Variants in YEATS2 observed in about 807,000 individuals in gnomAD.
YEATS2 encodes YEATS domain containing 2, also known as YEATS domain-containing protein 2.
A neutral mutation model predicts 163.2 loss-of-function variants in YEATS2; 77 were observed. The observed-to-expected ratio is 0.47, with a 90% confidence interval of 0.39 to 0.57. The LOEUF is 0.57. Among genes scored for constraint, YEATS2 ranks in the 20% least tolerant of loss-of-function variants. The pLI, the probability that YEATS2 is intolerant of heterozygous loss-of-function variation, is 0.00. For synonymous variants in YEATS2, 631 were observed against 645.1 expected (o/e 0.98, Z 0.33); for missense variants, 1,549 against 1,729.8 (o/e 0.90, Z 1.85).
At chr3:183,762,366 G>T in intron 15 of YEATS2, 87 bp downstream of exon 15, 1 of 1,456,970 alleles carries the variant, frequency 6.9e-7, no homozygotes, top group Non-Finnish European at 9.1e-7. Flanking sequence ...GATTCACGGT[G>T]ACAGGGTTGA....
chr3:183,798,422 C>T (rs1484754156), intron 22 of YEATS2, among the ~76,000 whole-genome samples: 1 of 152,154 alleles, frequency 6.6e-6, no homozygotes, highest in Non-Finnish European at 1.5e-5. Flanking sequence ...GGCAAGATCT[C>T]GGCTCACTGC....
chr3:183,805,421 G>A (rs939993171), intron 27 of YEATS2, among the ~76,000 whole-genome samples: 3 of 151,896 alleles, frequency 2.0e-5, no homozygotes, highest in Non-Finnish European at 4.4e-5. Context: ...AAGAAAAGTT[G>A]TTCTCTGCCC....
At chr3:183,766,343 C>A (rs1721905822) in intron 15 of YEATS2, among the ~76,000 whole-genome samples, 1 of 152,152 alleles carries the variant, frequency 6.6e-6, no homozygotes, top group Non-Finnish European at 1.5e-5. Flanking sequence ...CATATCCATG[C>A]CTAAGTACCA....
intron 9 of YEATS2, 127 bp downstream of exon 9, chr3:183,747,843 G>A (rs989177332): frequency 1.1e-4 from 82 of 723,298 alleles, no homozygotes; most frequent in Non-Finnish European, 1.7e-4. Context: ...GCAGTGGCAT[G>A]ATCTCGGCTC....
At chr3:183,763,688 G>A (rs1463119375) in intron 15 of YEATS2, among the ~76,000 whole-genome samples, 1 of 152,142 alleles carries the variant, frequency 6.6e-6, no homozygotes, top group African/African-American at 2.4e-5. Flanking sequence ...AATGAAAAGT[G>A]GTTGTCTCTA....
chr3:183,733,893 T>C (rs1718068892), intron 7 of YEATS2, among the ~76,000 whole-genome samples: 1 of 152,018 alleles, frequency 6.6e-6, no homozygotes, highest in Non-Finnish European at 1.5e-5. Flanking sequence ...TGTGCTAGGC[T>C]CAGGGCGTGA....
At chr3:183,747,071 C>T (rs1030298582) in intron 8 of YEATS2, among the ~76,000 whole-genome samples, 12 of 152,016 alleles carry the variant, frequency 7.9e-5, no homozygotes, top group Non-Finnish European at 1.5e-4. Context: ...TTAACATACC[C>T]TCAGTTTGTG....
intron 19 of YEATS2, among the ~76,000 whole-genome samples, chr3:183,780,000 C>CTT (rs71298586): frequency 1.6e-3 from 210 of 134,770 alleles, no homozygotes; most frequent in African/African-American, 4.3e-3. Flanking sequence ...CTGGCCTTTA[C>CTT]TTTTTTTTTT....
At chr3:183,715,303 A>T in intron 2 of YEATS2, 41 bp downstream of exon 2, 1 of 1,419,240 alleles carries the variant, frequency 7.0e-7, no homozygotes, top group Non-Finnish European at 9.8e-7. Context: ...TTATTGACAT[A>T]TGCCTCCGCT....
Position 183,772,159 on chromosome 3 carries a change from T to C in YEATS2, c.1948-146T>C. ...CCAAGTGTAAGAAATACAGTTGCCG[T>C]TCACACCTGTGTAGGTAGCTTTCCT... On this transcript the variant is annotated intron_variant, in intron 15 of 30. Transcript: ENST00000305135. 3 of 1,033,660 alleles carry C rather than the reference T, an allele frequency of 2.9e-6. No individual in the cohort carries two copies. In the Admixed American group the frequency reaches 7.4e-5, roughly 26 times the overall value. The allele number at this position is 1,033,660 out of a possible 1,614,324, so 64.0% of individuals were successfully genotyped here.
chr3:183,738,992 T>C (rs1718664167), intron 8 of YEATS2, among the ~76,000 whole-genome samples: 1 of 142,324 alleles, frequency 7.0e-6, no homozygotes, highest in Admixed American at 7.2e-5. Context: ...ACTTCCACAA[T>C]GGTTGAACTA....
Position 183,777,598 on chromosome 3 carries a change from T to A in YEATS2, c.2634T>A (p.Thr878=). Residue 878 remains threonine (T), a synonymous_variant, in exon 19 of 31, where the codon ACT becomes ACA. Transcript: ENST00000305135. ...SPQTSGKQLT[T]GSVVQGTLGV... ...AGACTTCTGGAAAACAACTCACCAC[T>A]GGGTCAGTGGTCCAAGGAACACTGG... The A allele has an allele frequency of 6.2e-7, 1 of 1,614,122 alleles. No homozygotes were observed. The highest frequency in any genetic ancestry group is 8.5e-7 in the Non-Finnish European group (1 of 1,180,036).
chr3:183,756,286 A>G (rs1394199470), intron 11 of YEATS2, among the ~76,000 whole-genome samples: 2 of 152,082 alleles, frequency 1.3e-5, no homozygotes, highest in African/African-American at 4.8e-5. Flanking sequence ...GTTTCTTACA[A>G]TTTCCTCGAT....
intron 6 of YEATS2, among the ~76,000 whole-genome samples, chr3:183,725,883 C>T (rs971385371): frequency 2.6e-5 from 4 of 152,126 alleles, no homozygotes; most frequent in Non-Finnish European, 4.4e-5. Context: ...TGATGGGTTC[C>T]TTTGACTTTT....
intron 13 of YEATS2, among the ~76,000 whole-genome samples, chr3:183,759,556 C>G (rs1354388397): frequency 6.6e-6 from 1 of 152,076 alleles, no homozygotes; most frequent in Non-Finnish European, 1.5e-5. Flanking sequence ...GCTCCTTAAC[C>G]CATAAAAAAA....
intron 20 of YEATS2, among the ~76,000 whole-genome samples, chr3:183,787,832 C>T (rs922506491): frequency 1.3e-5 from 2 of 151,116 alleles, no homozygotes; most frequent in African/African-American, 4.9e-5. Context: ...CCCGTCTCTA[C>T]TAAAAATACA....
intron 17 of YEATS2, among the ~76,000 whole-genome samples, chr3:183,775,040 T>A (rs938202175): frequency 6.6e-6 from 1 of 152,162 alleles, no homozygotes; most frequent in African/African-American, 2.4e-5. Context: ...TGAGTGAATA[T>A]TCATAGTCCA....
rs768565044 is a variant in YEATS2 at position 183,747,740 on chromosome 3, A to G, written c.969+24A>G. 6 of 1,604,402 alleles carry G rather than the reference A, an allele frequency of 3.7e-6. No homozygotes were observed. The African/African-American group carries it at 4.0e-5, about 11-fold the overall frequency. The stretch of plus-strand genomic sequence containing the variant: ...CGGTAGGTTTTTTTCCTACAGTATT[A>G]TCTGGGAATGAGTAGGATGAAAATT... On this transcript the variant is annotated intron_variant, in intron 9 of 30. Coordinates refer to ENST00000305135, the MANE Select transcript of YEATS2 (RefSeq NM_018023.5).
At chr3:183,712,428 C>G (rs1039994430) in intron 1 of YEATS2, among the ~76,000 whole-genome samples, 1 of 151,714 alleles carries the variant, frequency 6.6e-6, no homozygotes, top group Non-Finnish European at 1.5e-5. Context: ...CCAGCCTGGT[C>G]TTGAACTCCT....
Sources: allele counts gnomAD v4.1 joint callset (sites outside exome capture counted in the v4.1 genomes callset), GRCh38; gene constraint gnomAD v4.1.1; transcripts MANE v1.5; gene names NCBI Gene and HGNC (gene_info 2026-07-23, HGNC 2026-07-21).